The following PCDH9 variants were observed in gnomAD, a reference collection of about 807,000 sequenced individuals.
The protein encoded by PCDH9 is protocadherin-9.
PCDH9 carries 24 observed loss-of-function variants against 70.6 expected under a neutral mutation model. The ratio of observed to expected loss-of-function variants is 0.34; its 90% CI spans 0.25 to 0.48. PCDH9 has a LOEUF of 0.48. Among genes scored for constraint, PCDH9 ranks in the 20% least tolerant of loss-of-function variants. The pLI, the probability that PCDH9 is intolerant of heterozygous loss-of-function variation, is 0.99. For synonymous variants in PCDH9, 562 were observed against 558.5 expected (o/e 1.01, Z -0.09); for missense variants, 1,281 against 1,503.6 (o/e 0.85, Z 2.45).
At chr13:66,648,148 G>A (rs2077797872) in intron 3 of PCDH9, among the ~76,000 whole-genome samples, 1 of 152,160 alleles carries the variant, frequency 6.6e-6, no homozygotes, top group Non-Finnish European at 1.5e-5. Flanking sequence ...CTGAAGAGAA[G>A]GACACAACCT....
chr13:67,012,666 G>A (rs78408661), intron 2 of PCDH9, among the ~76,000 whole-genome samples: 4,721 of 152,002 alleles, frequency 0.031, 128 homozygotes, highest in South Asian at 0.11. Context: ...AGAAGAGACA[G>A]CCTCTGACTC....
intron 2 of PCDH9, among the ~76,000 whole-genome samples, chr13:67,029,980 G>A (rs1298557193): frequency 6.6e-6 from 1 of 152,108 alleles, no homozygotes; most frequent in Non-Finnish European, 1.5e-5. Flanking sequence ...GGCTTCTTTT[G>A]CTGGTTATGT....
chr13:66,403,307 T>G (rs918563144), intron 4 of PCDH9, among the ~76,000 whole-genome samples: 2 of 151,940 alleles, frequency 1.3e-5, no homozygotes, highest in East Asian at 3.9e-4. Context: ...GGCTTTTTTT[T>G]TTGTTTTTTG....
intron 3 of PCDH9, among the ~76,000 whole-genome samples, chr13:66,705,785 C>T (rs1394347180): frequency 6.6e-6 from 1 of 152,090 alleles, no homozygotes; most frequent in East Asian, 1.9e-4. Flanking sequence ...TAAAACTTTA[C>T]TAGGGTTTTA....
At position 66,863,619 on chromosome 13, in the gene PCDH9, A is replaced by G. The variant is rs532350846; in HGVS notation, c.3138+39885T>C. Among the ~76,000 whole-genome samples, 6 of 152,040 alleles carry G rather than the reference A, an allele frequency of 3.9e-5. No individual in the cohort carries two copies. The East Asian group carries it at 5.8e-4, about 15-fold the overall frequency. On this transcript the variant is annotated intron_variant, in intron 3 of 4. Coordinates refer to ENST00000377865, the MANE Select transcript of PCDH9 (RefSeq NM_203487.3). ...TCTTGCCTCAGCCTCCCAAGTAGCT[A>G]GGATTACAGGCACCTGCCACCATGC...
intron 2 of PCDH9, among the ~76,000 whole-genome samples, chr13:66,937,549 T>G (rs1254801492): frequency 1.1e-4 from 17 of 152,236 alleles, no homozygotes; most frequent in Admixed American, 1.1e-3. Context: ...TTAAACAAAC[T>G]AAGTATGACC....
intron 4 of PCDH9, among the ~76,000 whole-genome samples, chr13:66,530,909 A>T (rs993134378): frequency 2.0e-5 from 3 of 151,970 alleles, no homozygotes; most frequent in African/African-American, 7.2e-5. Flanking sequence ...ACTGACTTTT[A>T]CCACTGATTT....
chr13:66,566,001 C>A (rs1397841774), intron 4 of PCDH9, among the ~76,000 whole-genome samples: 1 of 152,032 alleles, frequency 6.6e-6, no homozygotes, highest in East Asian at 1.9e-4. Flanking sequence ...TTTTCTCCAG[C>A]AAGGAGGAGG....
intron 3 of PCDH9, among the ~76,000 whole-genome samples, chr13:66,719,512 A>G (rs145665754): frequency 1.4e-3 from 214 of 152,308 alleles, no homozygotes; most frequent in African/African-American, 5.0e-3. Context: ...GTGAGCTCTC[A>G]TGAGACACTG....
intron 2 of PCDH9, among the ~76,000 whole-genome samples, chr13:67,000,398 G>A (rs9540965): frequency 0.65 from 96,201 of 149,042 alleles, 32,267 homozygotes; most frequent in East Asian, 0.95. Context: ...GAGTTAATGG[G>A]TGCAGCACAC....
At chr13:67,074,375 G>T (rs571548288) in intron 2 of PCDH9, among the ~76,000 whole-genome samples, 1 of 152,208 alleles carries the variant, frequency 6.6e-6, no homozygotes, top group South Asian at 2.1e-4. Flanking sequence ...CACTGAATCT[G>T]TCAGCATGTT....
In PCDH9 at chr13:66,528,691, C is replaced by A. The variant is rs533559779; in HGVS notation, c.3340+102519G>T. Among the ~76,000 whole-genome samples the A allele has an allele frequency of 6.8e-4, 104 of 152,196 alleles. 3 individuals are homozygous for A. In the South Asian group the frequency reaches 0.021, roughly 31 times the overall value. The stretch of plus-strand genomic sequence containing the variant: ...CAGCACAGCAATTGCAAGCAAAATT[C>A]TCCTAAAAGGATAGGCAGGAAGATT... On this transcript the variant is annotated intron_variant, in intron 4 of 4. Coordinates refer to ENST00000377865, the MANE Select transcript of PCDH9 (RefSeq NM_203487.3).
At chr13:66,851,613 TTTA>T (rs1352880722) in intron 3 of PCDH9, among the ~76,000 whole-genome samples, 1 of 145,036 alleles carries the variant, frequency 6.9e-6, no homozygotes, top group Non-Finnish European at 1.6e-5. Context: ...ACACACTCAT[TTTA>T]TTGACTCTGT....
Position 66,397,104 on chromosome 13 carries a change from A to G in PCDH9, c.3341-92076T>C, listed in dbSNP as rs578064655. On this transcript the variant is annotated intron_variant, in intron 4 of 4. Coordinates refer to ENST00000377865, the MANE Select transcript of PCDH9 (RefSeq NM_203487.3). ...GGAGTGTTCAGCCCTGTGTCTAAAA[A>G]CGGTAACAACAAACCATAAAAATAT... Among the ~76,000 whole-genome samples, 5 of 152,224 alleles carry G rather than the reference A, an allele frequency of 3.3e-5. No individual in the cohort carries two copies. In the South Asian group the frequency reaches 1.0e-3, roughly 32 times the overall value.
chr13:67,149,804 C>G (rs1399674763), intron 2 of PCDH9, among the ~76,000 whole-genome samples: 1 of 151,880 alleles, frequency 6.6e-6, no homozygotes, highest in East Asian at 1.9e-4. Context: ...AAAAACTATG[C>G]TTTTAGCCGA....
chr13:66,336,302 C>T (rs144456374), intron 4 of PCDH9, among the ~76,000 whole-genome samples: 1 of 151,752 alleles, frequency 6.6e-6, no homozygotes, highest in East Asian at 1.9e-4. Context: ...ACTGTACCCG[C>T]TGAGAATACA....
At chr13:66,443,218 CA>C (rs1233957824) in intron 4 of PCDH9, among the ~76,000 whole-genome samples, 1 of 152,138 alleles carries the variant, frequency 6.6e-6, no homozygotes, top group Non-Finnish European at 1.5e-5. Context: ...ACTCAATGAA[CA>C]CTTTAGAACA....
At chr13:67,202,115 G>A (rs1298080973) in intron 2 of PCDH9, 5 of 151,818 alleles carry the variant, frequency 3.3e-5, no homozygotes, top group African/African-American at 1.2e-4. Flanking sequence ...TTTAAAAAGT[G>A]AAAGCAAGGA....
chr13:67,030,042 A>C (rs1480139360), intron 2 of PCDH9, among the ~76,000 whole-genome samples: 1 of 152,110 alleles, frequency 6.6e-6, no homozygotes, highest in Non-Finnish European at 1.5e-5. Context: ...GTAGATGAAG[A>C]TATGTCTCAT....
Sources: gnomAD v4.1 joint callset for allele counts (sites outside exome capture counted in the v4.1 genomes callset) on GRCh38, gnomAD v4.1.1 for gene constraint, MANE v1.5 for transcripts, NCBI Gene and HGNC (gene_info 2026-07-23, HGNC 2026-07-21) for gene names.